Variants in TANGO6 observed in about 807,000 individuals in gnomAD.
TANGO6 encodes the protein transport and golgi organization 6 homolog.
TANGO6 carries 90 observed loss-of-function variants against 114.2 expected under a neutral mutation model. The ratio of observed to expected loss-of-function variants is 0.79; its 90% CI spans 0.66 to 0.94. TANGO6 has a LOEUF of 0.94. Ranked by LOEUF, TANGO6 falls within the 40% of genes least tolerant of loss-of-function variation. The pLI, the probability that TANGO6 is intolerant of heterozygous loss-of-function variation, is 0.00. For missense variants in TANGO6, 1,274 were observed against 1,315.3 expected (o/e 0.97, Z 0.49); for synonymous variants, 477 against 509.8 (o/e 0.94, Z 0.87).
At chr16:69,015,245 G>A (rs887287663) in intron 15 of TANGO6, among the ~76,000 whole-genome samples, 7 of 152,150 alleles carry the variant, frequency 4.6e-5, no homozygotes, top group African/African-American at 9.6e-5. Flanking sequence ...CTCGGAGAAC[G>A]TGGAGGCAGG....
chr16:68,954,773 G>C (rs762902970), intron 14 of TANGO6, among the ~76,000 whole-genome samples: 1 of 152,076 alleles, frequency 6.6e-6, no homozygotes, highest in Non-Finnish European at 1.5e-5. Context: ...AGATTAAAAA[G>C]GTAAAAAACC....
At chr16:69,027,425 T>C (rs1217291794) in intron 16 of TANGO6, among the ~76,000 whole-genome samples, 1 of 152,176 alleles carries the variant, frequency 6.6e-6, no homozygotes, top group Non-Finnish European at 1.5e-5. Context: ...TCCTCAGTTT[T>C]TGTATCTTCT....
At chr16:68,862,444 C>G (rs1161600570) in intron 2 of TANGO6, among the ~76,000 whole-genome samples, 7 of 151,828 alleles carry the variant, frequency 4.6e-5, no homozygotes, top group African/African-American at 1.7e-4. Context: ...AGATCCGCCC[C>G]CCTCGGCCTC....
chr16:68,967,080 T>A (rs1016820975), intron 14 of TANGO6, among the ~76,000 whole-genome samples: 3 of 152,308 alleles, frequency 2.0e-5, no homozygotes, highest in Non-Finnish European at 2.9e-5. Flanking sequence ...CCTATCTGGC[T>A]AATTTTTTAA....
At chr16:68,873,426 G>C (rs1289516212) in intron 4 of TANGO6, among the ~76,000 whole-genome samples, 1 of 152,108 alleles carries the variant, frequency 6.6e-6, no homozygotes, top group Non-Finnish European at 1.5e-5. Flanking sequence ...CGATTGTCCT[G>C]CCTCAACCTC....
chr16:68,921,822 C>T (rs1963098334), intron 12 of TANGO6, among the ~76,000 whole-genome samples: 1 of 151,964 alleles, frequency 6.6e-6, no homozygotes, highest in Admixed American at 6.6e-5. Context: ...TGTGAGCCAT[C>T]CTGACTCACT....
chr16:68,903,615 C>CAAA (rs1175415785), intron 9 of TANGO6, among the ~76,000 whole-genome samples: 51 of 59,190 alleles, frequency 8.6e-4, no homozygotes, highest in East Asian at 2.6e-3. Flanking sequence ...GAGACCATCT[C>CAAA]AAAAAAAAAA....
chr16:69,019,245 G>A (rs1383440301), intron 15 of TANGO6, among the ~76,000 whole-genome samples: 4 of 152,106 alleles, frequency 2.6e-5, no homozygotes, highest in Non-Finnish European at 5.9e-5. Flanking sequence ...TACCTCTCTA[G>A]GATAGATAAT....
intron 17 of TANGO6, among the ~76,000 whole-genome samples, chr16:69,081,755 T>A (rs1049876862): frequency 5.3e-5 from 8 of 152,132 alleles, no homozygotes; most frequent in Non-Finnish European, 1.0e-4. Context: ...AGTAGGTACT[T>A]TTGACACCCT....
chr16:68,930,339 G>T, intron 14 of TANGO6, 44 bp downstream of exon 14: 2 of 1,482,298 alleles, frequency 1.3e-6, no homozygotes, highest in South Asian at 2.4e-5. Context: ...GTGGACCAGA[G>T]ACTGTATCAT....
intron 15 of TANGO6, among the ~76,000 whole-genome samples, chr16:68,988,692 C>CTCT (rs776428911): frequency 2.7e-5 from 3 of 112,490 alleles, no homozygotes; most frequent in African/African-American, 1.1e-4. Flanking sequence ...TTCTCTCTCT[C>CTCT]TTTTTTTTTT....
At chr16:68,862,216 A>G (rs1046896324) in intron 2 of TANGO6, among the ~76,000 whole-genome samples, 4 of 150,472 alleles carry the variant, frequency 2.7e-5, no homozygotes, top group Non-Finnish European at 4.4e-5. Context: ...TTACTTACTT[A>G]TGTATTTATT....
At chr16:68,866,973 TC>T in intron 3 of TANGO6, 105 bp from the exon 4 acceptor site, 1 of 914,386 alleles carries the variant, frequency 1.1e-6, no homozygotes, top group Non-Finnish European at 1.6e-6. Context: ...TAGCTATTTC[TC>T]CTTTTTTTTT....
chr16:68,965,711 A>G (rs117308788), intron 14 of TANGO6, among the ~76,000 whole-genome samples: 13,422 of 151,754 alleles, frequency 0.088, 691 homozygotes, highest in African/African-American at 0.13. Flanking sequence ...TGAGGCAGGA[A>G]GATTGCTTGA....
chr16:68,989,070 C>T (rs905097105), intron 15 of TANGO6, among the ~76,000 whole-genome samples: 4 of 152,152 alleles, frequency 2.6e-5, no homozygotes, highest in African/African-American at 9.6e-5. Flanking sequence ...CACCATGTTG[C>T]CCAGCTGGTC....
At chr16:68,964,861 A>G (rs1963629633) in intron 14 of TANGO6, among the ~76,000 whole-genome samples, 1 of 151,952 alleles carries the variant, frequency 6.6e-6, no homozygotes, top group African/African-American at 2.4e-5. Context: ...GAGCCACTGC[A>G]CCTGCCCTTA....
chr16:69,082,398 C>T lies in TANGO6; in HGVS notation c.3109-1087C>T, dbSNP rs8060417. 3.0e-4 allele frequency among the ~76,000 whole-genome samples: 46 copies of T among 152,230 alleles called. No individual in the cohort carries two copies. The South Asian group carries it at 8.3e-3, about 27-fold the overall frequency. The stretch of plus-strand genomic sequence containing the variant: ...GGATTACAGGCATGAGCCACCGCAC[C>T]GGCCTGGTGACAGATTTTTAAAGTA... On this transcript the variant is annotated intron_variant, in intron 17 of 17. Transcript: ENST00000261778.
intron 14 of TANGO6, among the ~76,000 whole-genome samples, chr16:68,949,730 C>T (rs1344658837): frequency 6.6e-6 from 1 of 151,948 alleles, no homozygotes; most frequent in African/African-American, 2.4e-5. Flanking sequence ...ATAGTCTGGC[C>T]ATTTTCAAAA....
intron 7 of TANGO6, among the ~76,000 whole-genome samples, chr16:68,891,793 G>A (rs559799762): frequency 7.4e-6 from 1 of 134,560 alleles, no homozygotes; most frequent in Admixed American, 9.1e-5. Context: ...AAGGAAGGAA[G>A]AAAGGAAAGA....
Sources: gnomAD v4.1 joint callset for allele counts (sites outside exome capture counted in the v4.1 genomes callset) on GRCh38, gnomAD v4.1.1 for gene constraint, MANE v1.5 for transcripts, NCBI Gene and HGNC (gene_info 2026-07-23, HGNC 2026-07-21) for gene names.